MSH3: variants seen among roughly 807,000 people sequenced by gnomAD.
MSH3 encodes the protein mutS homolog 3.
MSH3 carries 106 observed loss-of-function variants against 123.3 expected under a neutral mutation model. The ratio of observed to expected loss-of-function variants is 0.86; its 90% CI spans 0.73 to 1.01. The LOEUF (loss-of-function observed/expected upper bound fraction) is 1.01, where lower values mean the gene tolerates loss of function less well. MSH3 is among the 50% of genes least tolerant of loss of function. The probability of loss-of-function intolerance (pLI) is 0.00; values close to 1 mark genes in which losing one functional copy is unlikely to be tolerated. For synonymous variants in MSH3, 515 were observed against 481.4 expected, an observed-to-expected ratio of 1.07 and a Z score of -0.91; for missense variants, 1,459 against 1,347.6, an observed-to-expected ratio of 1.08 and a Z score of -1.29.
intron 20 of MSH3, among the ~76,000 whole-genome samples, chr5:80,831,691 C>CAAAAAAAAAAAAA: frequency 8.1e-6 from 1 of 122,716 alleles, no homozygotes; most frequent in Admixed American, 8.2e-5. Context: ...ATGTAATATC[C>CAAAAAAAAAAAAA]AAAAAAAAAA....
At chr5:80,796,659 CTATAAG>C (rs1744703522) in intron 19 of MSH3, among the ~76,000 whole-genome samples, 1 of 152,118 alleles carries the variant, frequency 6.6e-6, no homozygotes, top group Admixed American at 6.6e-5. Flanking sequence ...GTACATGTAA[CTATAAG>C]TATACTTTTC....
chr5:80,690,337 T>G (rs1261693679), intron 8 of MSH3, among the ~76,000 whole-genome samples: 1 of 152,146 alleles, frequency 6.6e-6, no homozygotes, highest in Non-Finnish European at 1.5e-5. Context: ...AGAGGAAGTC[T>G]TGCTCTGTCA....
chr5:80,711,982 T>C (rs1350588327), intron 8 of MSH3, among the ~76,000 whole-genome samples: 4 of 152,132 alleles, frequency 2.6e-5, no homozygotes, highest in Admixed American at 2.0e-4. Flanking sequence ...GAGTTTTTAT[T>C]GAAAAAAATT....
In MSH3 at chr5:80,656,432, AAGAAG is replaced by A. The variant is rs777843647; in HGVS notation, c.263_267del (p.Lys88ThrfsTer5). ...ATAGGCTACAGAAATTGACAGAAGA[AAGAAG>A]AGACCATTGGAAAATGATGGGCCTG... On this transcript the variant is annotated frameshift_variant, in exon 2 of 24. Transcript: ENST00000265081. LOFTEE classifies it high-confidence loss of function. 29 of 1,614,178 alleles carry A rather than the reference AAGAAG, an allele frequency of 1.8e-5. No individual in the cohort carries two copies. In the South Asian group the frequency reaches 3.1e-4, roughly 17 times the overall value.
Position 80,793,340 on chromosome 5 carries a change from T to A in MSH3, c.2655+496T>A, listed in dbSNP as rs6151851. ...AACACATACTTACTGAGTGCCTGTG[T>A]CTCAGGTAATGAAGTATTAGGAACA... On this transcript the variant is annotated intron_variant, in intron 19 of 23. Coordinates refer to ENST00000265081, the MANE Select transcript of MSH3 (RefSeq NM_002439.5). 5.6e-4 allele frequency among the ~76,000 whole-genome samples: 86 copies of A among 152,324 alleles called. No homozygotes were observed. In the South Asian group the frequency reaches 0.017, roughly 31 times the overall value.
intron 8 of MSH3, among the ~76,000 whole-genome samples, chr5:80,684,761 A>G (rs186822607): frequency 9.2e-5 from 14 of 152,190 alleles, no homozygotes; most frequent in Admixed American, 5.9e-4. Context: ...AAGGCTTGCA[A>G]TATTTCTCAA....
chr5:80,846,178 G>A (rs1745716902), intron 20 of MSH3, among the ~76,000 whole-genome samples: 1 of 152,050 alleles, frequency 6.6e-6, no homozygotes, highest in South Asian at 2.1e-4. Context: ...AGGTCTGTTG[G>A]GGTTTGCTGG....
chr5:80,806,593 C>T (rs1355266071), intron 19 of MSH3, among the ~76,000 whole-genome samples: 1 of 152,130 alleles, frequency 6.6e-6, no homozygotes, highest in African/African-American at 2.4e-5. Flanking sequence ...TGTTTGTGTG[C>T]AAGCCAGAAT....
intron 18 of MSH3, among the ~76,000 whole-genome samples, chr5:80,789,823 A>C (rs1434934530): frequency 1.3e-5 from 2 of 152,234 alleles, no homozygotes; most frequent in Non-Finnish European, 2.9e-5. Flanking sequence ...AAAGAACTAT[A>C]GGAGGTCATT....
intron 8 of MSH3, among the ~76,000 whole-genome samples, chr5:80,680,776 C>T (rs1328248413): frequency 6.6e-6 from 1 of 152,078 alleles, no homozygotes; most frequent in Non-Finnish European, 1.5e-5. Context: ...GAAGCAAATC[C>T]TAGGGAGCAT....
chr5:80,768,444 A>G (rs897636760), intron 14 of MSH3, among the ~76,000 whole-genome samples: 2 of 152,162 alleles, frequency 1.3e-5, no homozygotes, highest in Non-Finnish European at 2.9e-5. Flanking sequence ...CTCATTTCCT[A>G]TATTTCCAGA....
chr5:80,710,086 A>G (rs1429666603), intron 8 of MSH3, among the ~76,000 whole-genome samples: 2 of 152,204 alleles, frequency 1.3e-5, no homozygotes, highest in Admixed American at 1.3e-4. Flanking sequence ...CTTAACCAGC[A>G]TTAATTACAC....
intron 8 of MSH3, among the ~76,000 whole-genome samples, chr5:80,723,179 A>G (rs1398317506): frequency 6.6e-6 from 1 of 152,102 alleles, no homozygotes; most frequent in African/African-American, 2.4e-5. Context: ...AAGTGAACCT[A>G]AAATTCACAA....
At chr5:80,827,137 G>C (rs1478054843) in intron 20 of MSH3, among the ~76,000 whole-genome samples, 1 of 152,112 alleles carries the variant, frequency 6.6e-6, no homozygotes, top group East Asian at 1.9e-4. Flanking sequence ...TTTTAGAAAA[G>C]CAATGAATTA....
At chr5:80,724,451 C>T (rs988194793) in intron 8 of MSH3, among the ~76,000 whole-genome samples, 1 of 151,972 alleles carries the variant, frequency 6.6e-6, no homozygotes, top group Non-Finnish European at 1.5e-5. Context: ...TGGAAAGATT[C>T]ATTCTAGGCT....
At chr5:80,738,715 G>A (rs949545735) in intron 10 of MSH3, among the ~76,000 whole-genome samples, 1 of 152,094 alleles carries the variant, frequency 6.6e-6, no homozygotes. Context: ...GCTAGATTGT[G>A]GTTTCTTGAT....
intron 13 of MSH3, among the ~76,000 whole-genome samples, chr5:80,764,697 A>C (rs577924601): frequency 6.6e-6 from 1 of 152,232 alleles, no homozygotes; most frequent in East Asian, 1.9e-4. Context: ...CAAAATGTTA[A>C]ATTCAAATCC....
chr5:80,865,237 T>C (rs772508058), intron 22 of MSH3, among the ~76,000 whole-genome samples: 1 of 152,182 alleles, frequency 6.6e-6, no homozygotes, highest in Non-Finnish European at 1.5e-5. Context: ...TTCCTCTTAG[T>C]GCCTTGTACT....
intron 15 of MSH3, among the ~76,000 whole-genome samples, chr5:80,772,409 C>T (rs1744228396): frequency 6.6e-6 from 1 of 152,100 alleles, no homozygotes; most frequent in Non-Finnish European, 1.5e-5. Context: ...ACAGCAGTTT[C>T]TGGAGTGAGT....
Sources: gnomAD v4.1 joint callset for allele counts (sites outside exome capture counted in the v4.1 genomes callset) on GRCh38, gnomAD v4.1.1 for gene constraint, MANE v1.5 for transcripts, NCBI Gene and HGNC (gene_info 2026-07-23, HGNC 2026-07-21) for gene names.